SLC36A1: variants seen among roughly 807,000 people sequenced by gnomAD.
SLC36A1 encodes solute carrier family 36 member 1.
SLC36A1 carries 30 observed loss-of-function variants against 47.5 expected under a neutral mutation model. The ratio of observed to expected loss-of-function variants is 0.63; its 90% CI spans 0.47 to 0.86. The LOEUF is 0.86. Among genes scored for constraint, SLC36A1 ranks in the 40% least tolerant of loss-of-function variants. The pLI is 0.00. For synonymous variants in SLC36A1, 255 were observed against 249.7 expected, an observed-to-expected ratio of 1.02 and a Z score of -0.20; for missense variants, 517 against 606.0, an observed-to-expected ratio of 0.85 and a Z score of 1.54.
At chr5:151,408,363 A>G in the SLC36A1 span, among the ~76,000 whole-genome samples, 1 of 151,970 alleles carries the variant, frequency 6.6e-6, no homozygotes, top group Admixed American at 6.5e-5. Flanking sequence ...TAATTTTTGT[A>G]TTTTTAATAG....
chr5:151,504,156 CTCACACTCACAG>C, the SLC36A1 span: 2 of 152,674 alleles, frequency 1.3e-5, no homozygotes, highest in Non-Finnish European at 1.5e-5. Flanking sequence ...GTATCTGTCA[CTCACACTCACAG>C]TCACACACAC....
chr5:151,517,563 C>A, the SLC36A1 span: 13 of 1,606,298 alleles, frequency 8.1e-6, no homozygotes, highest in African/African-American at 9.4e-5. Context: ...TGCCTCACCC[C>A]CTACCTCCCC....
the SLC36A1 span, among the ~76,000 whole-genome samples, chr5:151,388,617 G>A: frequency 1.3e-5 from 2 of 152,058 alleles, no homozygotes; most frequent in Non-Finnish European, 2.9e-5. Context: ...GTCTCTTGAG[G>A]GTTGTGTCAT....
chr5:151,530,296 G>C, the SLC36A1 span, among the ~76,000 whole-genome samples: 1 of 149,934 alleles, frequency 6.7e-6, no homozygotes, highest in Admixed American at 6.6e-5. Context: ...GTCCAGACAT[G>C]ATGCAAACAG....
At chr5:151,547,505 C>A in the SLC36A1 span, among the ~76,000 whole-genome samples, 1 of 152,166 alleles carries the variant, frequency 6.6e-6, no homozygotes, top group Non-Finnish European at 1.5e-5. Flanking sequence ...CCCTCTATCA[C>A]GTGAGAGCAT....
the SLC36A1 span, among the ~76,000 whole-genome samples, chr5:151,523,489 A>C: frequency 6.6e-6 from 1 of 152,196 alleles, no homozygotes; most frequent in Non-Finnish European, 1.5e-5. Flanking sequence ...GCCTGAGCAG[A>C]ATCTGAATAC....
At chr5:151,484,398 T>C (rs370341532) in intron 10 of SLC36A1, among the ~76,000 whole-genome samples, 2 of 152,218 alleles carry the variant, frequency 1.3e-5, no homozygotes, top group East Asian at 3.8e-4. Flanking sequence ...AGCTCCCTTT[T>C]GGGCAAGCCA....
chr5:151,510,184 A>C, the SLC36A1 span: 1 of 1,613,860 alleles, frequency 6.2e-7, no homozygotes, highest in East Asian at 2.2e-5. Context: ...CCTAGGAGAA[A>C]AAGAAGGGAG....
At chr5:151,384,818 A>G in the SLC36A1 span, among the ~76,000 whole-genome samples, 15 of 152,156 alleles carry the variant, frequency 9.9e-5, no homozygotes, top group Non-Finnish European at 2.1e-4. Flanking sequence ...CTCACAGTAT[A>G]AGCCATTCCA....
intron 10 of SLC36A1, among the ~76,000 whole-genome samples, chr5:151,485,427 G>A (rs902164020): frequency 6.6e-6 from 1 of 152,178 alleles, no homozygotes. Flanking sequence ...AAGAGGTCAG[G>A]GCTGATCGTG....
intron 5 of SLC36A1, 83 bp downstream of exon 5, chr5:151,465,252 T>A: frequency 9.1e-7 from 1 of 1,094,606 alleles, no homozygotes; most frequent in Non-Finnish European, 1.4e-6. Flanking sequence ...GGAGACAGTG[T>A]AAAGCGTGGA....
the SLC36A1 span, among the ~76,000 whole-genome samples, chr5:151,370,092 T>C: frequency 1.3e-5 from 2 of 152,242 alleles, no homozygotes; most frequent in Admixed American, 6.5e-5. Flanking sequence ...TGAGCCACTG[T>C]GCCTGGCCTT....
chr5:151,373,225 G>A, the SLC36A1 span, among the ~76,000 whole-genome samples: 1 of 152,014 alleles, frequency 6.6e-6, no homozygotes, highest in African/African-American at 2.4e-5. Context: ...TTGAGTTCAG[G>A]AGTTTGAGGC....
chr5:151,541,987 C>CTGTA, the SLC36A1 span, among the ~76,000 whole-genome samples: 1 of 152,228 alleles, frequency 6.6e-6, no homozygotes. Context: ...CAAAAGACAA[C>CTGTA]TGACAGCAGT....
At chr5:151,347,428 C>T in the SLC36A1 span, 1 of 1,614,164 alleles carries the variant, frequency 6.2e-7, no homozygotes, top group Non-Finnish European at 8.5e-7. Context: ...CAACGGCTCC[C>T]TGGGGACCCT....
At chr5:151,480,555 G>A (rs1226228003) in intron 10 of SLC36A1, among the ~76,000 whole-genome samples, 1 of 152,238 alleles carries the variant, frequency 6.6e-6, no homozygotes, top group African/African-American at 2.4e-5. Flanking sequence ...AGCTAATCCA[G>A]GGGCCAGGGC....
In SLC36A1 at chr5:151,439,383, G is replaced by A. The variant is rs1442903224; in HGVS notation, c.-6+2204G>A. 2.0e-5 allele frequency among the ~76,000 whole-genome samples: 3 copies of A among 152,120 alleles called. No individual in the cohort carries two copies. In the East Asian group the frequency reaches 5.8e-4, roughly 29 times the overall value. Reference sequence around the variant, plus strand: ...GAAATGTGTAAAACAGGCTGGACATGGTGGCTCACTCCCGTAATCCCAGCA... The same window carrying A: ...GAAATGTGTAAAACAGGCTGGACATAGTGGCTCACTCCCGTAATCCCAGCA... On this transcript the variant is annotated intron_variant, in intron 1 of 8. Coordinates refer to the SLC36A1 transcript ENST00000429484.
At chr5:151,552,982 C>T in the SLC36A1 span, among the ~76,000 whole-genome samples, 15 of 152,238 alleles carry the variant, frequency 9.9e-5, no homozygotes, top group Non-Finnish European at 1.6e-4. Context: ...GAAAGGAAAG[C>T]TTGGCAGACG....
the SLC36A1 span, chr5:151,551,004 T>TTGAA: frequency 1.3e-6 from 1 of 780,570 alleles, no homozygotes; most frequent in African/African-American, 1.8e-5. Flanking sequence ...TAAATATTTG[T>TTGAA]TGAATGAATG....
Sources: gnomAD v4.1 joint callset for allele counts (sites outside exome capture counted in the v4.1 genomes callset) on GRCh38, gnomAD v4.1.1 for gene constraint, MANE v1.5 for transcripts, NCBI Gene and HGNC (gene_info 2026-07-23, HGNC 2026-07-21) for gene names.